DGKI: variants seen among roughly 807,000 people sequenced by gnomAD.
The protein encoded by DGKI is diacylglycerol kinase iota.
Under a neutral mutation model 147.5 loss-of-function variants are expected in DGKI, and 55 were observed. The ratio of observed to expected loss-of-function variants is 0.37; its 90% CI spans 0.30 to 0.47. The LOEUF (loss-of-function observed/expected upper bound fraction) is 0.47. Among genes scored for constraint, DGKI ranks in the 20% least tolerant of loss-of-function variants. The pLI is 1.00. For missense variants in DGKI, 1,007 were observed against 1,323.8 expected, an observed-to-expected ratio of 0.76 and a Z score of 3.71; for synonymous variants, 469 against 477.1, an observed-to-expected ratio of 0.98 and a Z score of 0.22.
chr7:137,746,432 G>A (rs918880663), intron 1 of DGKI, among the ~76,000 whole-genome samples: 1 of 152,208 alleles, frequency 6.6e-6, no homozygotes, highest in Non-Finnish European at 1.5e-5. Context: ...TTAGAGTAAA[G>A]TGCTGTCAAG....
intron 30 of DGKI, among the ~76,000 whole-genome samples, chr7:137,403,868 A>T (rs562125235): frequency 6.6e-6 from 1 of 152,208 alleles, no homozygotes; most frequent in African/African-American, 2.4e-5. Context: ...TTTCATTTAC[A>T]TGAATTCAAA....
At chr7:137,424,626 T>C (rs568123998) in intron 28 of DGKI, among the ~76,000 whole-genome samples, 1 of 152,260 alleles carries the variant, frequency 6.6e-6, no homozygotes, top group South Asian at 2.1e-4. Flanking sequence ...GGGAGTTCCC[T>C]TTGCTAGTCA....
intron 1 of DGKI, among the ~76,000 whole-genome samples, chr7:137,749,666 T>C (rs931767559): frequency 9.2e-5 from 14 of 152,176 alleles, no homozygotes; most frequent in Non-Finnish European, 1.9e-4. Flanking sequence ...CTTAAAGGGT[T>C]GTTGAAGTTT....
rs556997977 is a variant in DGKI, at chr7:137,558,595, G to A, written c.1948-6027C>T. On this transcript the variant is annotated intron_variant, in intron 19 of 32. Coordinates refer to ENST00000614521, the MANE Select transcript of DGKI (RefSeq NM_001321708.2). Reference sequence around the variant, plus strand: ...GCCCAGCCCACTGGTGTGTTTTAAAGCTCCATGGTAAAACATGCTGTAGGG... The same window carrying A: ...GCCCAGCCCACTGGTGTGTTTTAAAACTCCATGGTAAAACATGCTGTAGGG... 8.3e-5 allele frequency among the ~76,000 whole-genome samples: 12 copies of A among 144,180 alleles called. No homozygotes were observed. The East Asian group carries it at 2.1e-3, about 25-fold the overall frequency. The allele number at this position is 144,180 out of a possible 152,430, so 94.6% of individuals were successfully genotyped here.
chr7:137,467,071 TAAATCTATTAAG>T lies in DGKI; in HGVS notation c.2444-141_2444-130del, dbSNP rs1814689615. On this transcript the variant is annotated intron_variant, in intron 24 of 32. Coordinates refer to ENST00000614521, the MANE Select transcript of DGKI (RefSeq NM_001321708.2). ...TCATGCTAGTCTCCTGGCCAGTCCC[TAAATCTATTAAG>T]AAAACCTCAGCACTTCCATGCCTCT... 3 of 811,900 alleles carry T rather than the reference TAAATCTATTAAG, an allele frequency of 3.7e-6. No homozygotes were observed. In the Admixed American group the frequency reaches 7.3e-5, roughly 20 times the overall value. 50.3% of individuals were successfully genotyped at this position (811,900 alleles called of 1,614,324 possible).
chr7:137,638,792 G>T (rs1821515327), intron 6 of DGKI, among the ~76,000 whole-genome samples: 1 of 150,110 alleles, frequency 6.7e-6, no homozygotes, highest in Non-Finnish European at 1.5e-5. Flanking sequence ...TTATTATGTT[G>T]TATGTATATA....
At chr7:137,808,288 A>C (rs1797444399) in intron 1 of DGKI, among the ~76,000 whole-genome samples, 3 of 152,218 alleles carry the variant, frequency 2.0e-5, no homozygotes, top group Admixed American at 1.3e-4. Flanking sequence ...AGACTTATTA[A>C]TCTTATAAAT....
chr7:137,586,019 A>T (rs1197455392), intron 13 of DGKI, among the ~76,000 whole-genome samples: 6 of 152,158 alleles, frequency 3.9e-5, no homozygotes, highest in Non-Finnish European at 8.8e-5. Context: ...TGCCTACTTT[A>T]AAAAAAGACC....
rs772941812 is a variant in DGKI, at chr7:137,412,222, AG to A, written c.2762-16del. ...CTGCAAAATTGCTGTGAAAGACAAAAGAGAGATGTCCCATTAGTAGAAGACC... is the reference window on the plus strand; with the variant it reads ...CTGCAAAATTGCTGTGAAAGACAAAAAGAGATGTCCCATTAGTAGAAGACC... On this transcript the variant is annotated splice_polypyrimidine_tract_variant and intron_variant, in intron 28 of 32. Coordinates refer to ENST00000614521, the MANE Select transcript of DGKI (RefSeq NM_001321708.2). 48 of 1,612,300 alleles carry A rather than the reference AG, an allele frequency of 3.0e-5. No homozygotes were observed. The African/African-American group carries it at 5.5e-4, about 18-fold the overall frequency.
At position 137,381,079 on chromosome 7, in the gene DGKI, C is replaced by T. The variant is rs1047463713; in HGVS notation, c.*10141G>A. 1.3e-5 allele frequency: 2 copies of T among 152,024 alleles called. No homozygotes were observed. Among genetic ancestry groups the T allele is most frequent in the Admixed American group, 6.6e-5 (1 of 15,240 alleles). The allele number at this position is 152,024 out of a possible 1,614,324, so 9.4% of individuals were successfully genotyped here. On this transcript the variant is annotated 3_prime_UTR_variant, in exon 33 of 33. Coordinates refer to ENST00000614521, the MANE Select transcript of DGKI (RefSeq NM_001321708.2). ...ATTCTGTACATTTCCACACAATTCACAATACAGAAAAAGTGTCCAAAAAGT... is the reference window on the plus strand; with the variant it reads ...ATTCTGTACATTTCCACACAATTCATAATACAGAAAAAGTGTCCAAAAAGT...
chr7:137,577,194 T>G (rs834431), intron 17 of DGKI, 28 bp downstream of exon 17: 170,213 of 1,501,884 alleles, frequency 0.11, 17,718 homozygotes, highest in African/African-American at 0.5. Context: ...ATATTCAAAT[T>G]AAATAAATCA....
chr7:137,445,762 G>C (rs551632752), intron 27 of DGKI, among the ~76,000 whole-genome samples: 2 of 152,236 alleles, frequency 1.3e-5, no homozygotes, highest in South Asian at 4.1e-4. Flanking sequence ...AAAAGTCCTA[G>C]AGACTTGAAA....
At chr7:137,404,099 T>G (rs1490109859) in intron 30 of DGKI, among the ~76,000 whole-genome samples, 1 of 152,138 alleles carries the variant, frequency 6.6e-6, no homozygotes, top group Non-Finnish European at 1.5e-5. Flanking sequence ...TGAAAAAGGG[T>G]AATGTTTTCT....
At chr7:137,472,947 G>A (rs1465752244) in intron 23 of DGKI, among the ~76,000 whole-genome samples, 2 of 152,008 alleles carry the variant, frequency 1.3e-5, no homozygotes, top group African/African-American at 2.4e-5. Context: ...AGGAATGCTT[G>A]ATTTATTGTT....
rs535120093 is a variant in DGKI at position 137,382,274 on chromosome 7, C to T, written c.*8946G>A. 5.6e-4 allele frequency: 85 copies of T among 152,048 alleles called. No homozygotes were observed. Among genetic ancestry groups the T allele is most frequent in the African/African-American group, 2.0e-3 (82 of 41,496 alleles). 9.4% of individuals were successfully genotyped at this position (152,048 alleles called of 1,614,324 possible). On this transcript the variant is annotated 3_prime_UTR_variant, in exon 33 of 33. Transcript: ENST00000614521. ...AAATGTATATTTAAACCCAAAATAA[C>T]AAGGTCACAGTCTCTGAATTTTTAA...
At chr7:137,787,051 A>G (rs1012655516) in intron 1 of DGKI, among the ~76,000 whole-genome samples, 2 of 152,178 alleles carry the variant, frequency 1.3e-5, no homozygotes, top group Admixed American at 6.5e-5. Flanking sequence ...AAACCCTTCT[A>G]GACATTGGCT....
At chr7:137,811,345 TTCTC>T (rs1172653415) in intron 1 of DGKI, among the ~76,000 whole-genome samples, 3,330 of 71,890 alleles carry the variant, frequency 0.046, 140 homozygotes, top group African/African-American at 0.15. Flanking sequence ...CTGTCTCTCT[TTCTC>T]TCTCTCTCTC....
chr7:137,560,637 G>C (rs2128970823), intron 19 of DGKI, among the ~76,000 whole-genome samples: 1 of 152,272 alleles, frequency 6.6e-6, no homozygotes, highest in East Asian at 1.9e-4. Flanking sequence ...GATTATTCTG[G>C]ATTGTCTTAG....
intron 21 of DGKI, among the ~76,000 whole-genome samples, chr7:137,516,018 T>A (rs1816733335): frequency 6.6e-6 from 1 of 152,078 alleles, no homozygotes; most frequent in Non-Finnish European, 1.5e-5. Flanking sequence ...ATTTAACTCC[T>A]CAGACAGATT....
Sources: gnomAD v4.1 joint callset for allele counts (sites outside exome capture counted in the v4.1 genomes callset) on GRCh38, gnomAD v4.1.1 for gene constraint, MANE v1.5 for transcripts, NCBI Gene and HGNC (gene_info 2026-07-23, HGNC 2026-07-21) for gene names.